ZFP64: variants seen among roughly 807,000 people sequenced by gnomAD.
The protein encoded by ZFP64 is zinc finger protein 64.
ZFP64 carries 14 observed loss-of-function variants against 51.6 expected under a neutral mutation model. The ratio of observed to expected loss-of-function variants is 0.27; its 90% confidence interval spans 0.18 to 0.42. The LOEUF (loss-of-function observed/expected upper bound fraction) is 0.42, where lower values mean the gene tolerates loss of function less well. Among genes scored for constraint, ZFP64 ranks in the 10% least tolerant of loss-of-function variants. The pLI, the probability that ZFP64 is intolerant of heterozygous loss-of-function variation, is 1.00. For missense variants in ZFP64, 754 were observed against 906.8 expected, an observed-to-expected ratio of 0.83 and a Z score of 2.16; for synonymous variants, 375 against 361.4, an observed-to-expected ratio of 1.04 and a Z score of -0.43.
intron 6 of ZFP64, among the ~76,000 whole-genome samples, chr20:52,098,268 T>C (rs1248215240): frequency 6.6e-6 from 1 of 151,908 alleles, no homozygotes; most frequent in African/African-American, 2.4e-5. Context: ...GAGCTCTGGA[T>C]GCTACAGGCC....
intron 5 of ZFP64, among the ~76,000 whole-genome samples, chr20:52,121,609 A>G (rs1470896288): frequency 6.6e-6 from 1 of 151,082 alleles, no homozygotes; most frequent in Non-Finnish European, 1.5e-5. Context: ...AAGGAAAGGC[A>G]CTGTCTTCAT....
intron 5 of ZFP64, chr20:52,104,864 C>T (rs1246097442): frequency 4.5e-6 from 3 of 664,174 alleles, no homozygotes; most frequent in Non-Finnish European, 8.3e-6. Flanking sequence ...AGCATCCTTC[C>T]AGCGTGTTTG....
intron 5 of ZFP64, among the ~76,000 whole-genome samples, chr20:52,128,497 G>A (rs1010159900): frequency 6.6e-6 from 1 of 152,188 alleles, no homozygotes; most frequent in African/African-American, 2.4e-5. Context: ...ATACAGCTGG[G>A]ATGAGAACAG....
chr20:52,099,609 G>A (rs2079029551), intron 5 of ZFP64, among the ~76,000 whole-genome samples: 1 of 152,220 alleles, frequency 6.6e-6, no homozygotes, highest in South Asian at 2.1e-4. Flanking sequence ...TTATACTTTG[G>A]TGTGAAAATG....
intron 5 of ZFP64, among the ~76,000 whole-genome samples, chr20:52,106,699 T>C (rs4809889): frequency 0.23 from 34,476 of 152,168 alleles, 4,132 homozygotes; most frequent in Non-Finnish European, 0.26. Context: ...GGTGAAGTCA[T>C]GTCAGGTTAA....
At chr20:52,110,340 C>CT in intron 5 of ZFP64, 1 of 507,512 alleles carries the variant, frequency 2.0e-6, no homozygotes, top group Admixed American at 2.9e-5. Flanking sequence ...CATAGAGAGC[C>CT]TTTTTACAAC....
At chr20:52,147,954 G>A (rs1392158720), downstream of ZFP64, among the ~76,000 whole-genome samples, 1 of 152,112 alleles carries the variant, frequency 6.6e-6, no homozygotes, top group Non-Finnish European at 1.5e-5. Context: ...CCAGGAGGTG[G>A]AGGCTGCAGT....
chr20:52,091,388 A>G (rs920745311), intron 7 of ZFP64, among the ~76,000 whole-genome samples: 7 of 152,142 alleles, frequency 4.6e-5, no homozygotes, highest in African/African-American at 1.7e-4. Context: ...AAGCCACTAA[A>G]TGCTCTGAAG....
chr20:52,159,369 T>C (rs112486467), intron 5 of ZFP64, among the ~76,000 whole-genome samples: 2 of 152,216 alleles, frequency 1.3e-5, no homozygotes, highest in Non-Finnish European at 2.9e-5. Context: ...TGCCTAACCA[T>C]AATGCAGAAT....
chr20:52,167,356 AAAT>A (rs899408127), intron 2 of ZFP64, among the ~76,000 whole-genome samples: 24 of 152,074 alleles, frequency 1.6e-4, no homozygotes, highest in African/African-American at 5.3e-4. Context: ...AAAAATAAGT[AAAT>A]AATAAATAAA....
chr20:52,139,684 A>T (rs964855045), intron 5 of ZFP64, among the ~76,000 whole-genome samples: 2 of 152,138 alleles, frequency 1.3e-5, no homozygotes, highest in Non-Finnish European at 2.9e-5. Flanking sequence ...AATAAAGAAA[A>T]TGGCATAATG....
intron 5 of ZFP64, among the ~76,000 whole-genome samples, chr20:52,113,687 C>G (rs1313140687): frequency 6.6e-6 from 1 of 151,446 alleles, no homozygotes; most frequent in African/African-American, 2.4e-5. Context: ...GATCCACCTG[C>G]CTCGGCCTCC....
chr20:52,106,880 TG>T (rs1270726840), intron 5 of ZFP64, among the ~76,000 whole-genome samples: 1 of 152,138 alleles, frequency 6.6e-6, no homozygotes, highest in Non-Finnish European at 1.5e-5. Context: ...GCGGATCACA[TG>T]AGGTTAGGAG....
At chr20:52,138,668 C>G (rs1007847950) in intron 5 of ZFP64, among the ~76,000 whole-genome samples, 2 of 151,622 alleles carry the variant, frequency 1.3e-5, no homozygotes, top group African/African-American at 2.4e-5. Context: ...AAAAAAGCAC[C>G]CTGGTAATAT....
intron 2 of ZFP64, among the ~76,000 whole-genome samples, chr20:52,184,181 C>T (rs1299241581): frequency 1.3e-5 from 2 of 152,160 alleles, no homozygotes; most frequent in Non-Finnish European, 1.5e-5. Flanking sequence ...CAGCTCCAGA[C>T]TATTGGGTAA....
At chr20:52,161,446 CTTTCTTTTTTTTT>C (rs1343795329) in intron 4 of ZFP64, among the ~76,000 whole-genome samples, 1 of 127,724 alleles carries the variant, frequency 7.8e-6, no homozygotes, top group Admixed American at 8.6e-5. Context: ...CTTGTGATTG[CTTTCTTTTTTTTT>C]TTTTTTTTTT....
At position 52,152,955 on chromosome 20, in the gene ZFP64, T is replaced by G. The variant is rs1301186514; in HGVS notation, c.1237A>C (p.Ser413Arg). 3.7e-6 allele frequency: 6 copies of G among 1,613,684 alleles called. No homozygotes were observed. In the East Asian group the frequency reaches 1.3e-4, roughly 36 times the overall value. The change falls in exon 6 of 6, where the codon AGC (serine) becomes CGC (arginine). Residue 413 changes from serine to arginine, a missense_variant. Physicochemically the swap from Ser to Arg is moderately radical, Grantham distance 110. Around this residue, in one of 3 missense-constraint regions of ZFP64, gnomAD observed 428 missense variants for 472.4 expected, o/e 0.91. Coordinates refer to ENST00000216923, the MANE Select transcript of ZFP64 (RefSeq NM_018197.3). ...LERKDTGRQS[S>R]RQVAKLDAKK... ...GCATCCAGCTTGGCCACCTGCCGGC[T>G]GCTCTGCCTGCCGGTGTCCTTCCTC...
downstream of ZFP64, among the ~76,000 whole-genome samples, chr20:52,149,475 G>C (rs574193725): frequency 6.6e-6 from 1 of 152,242 alleles, no homozygotes; most frequent in African/African-American, 2.4e-5. Context: ...AAAGCAAGTT[G>C]CAGAGAAATG....
chr20:52,088,454 T>C, exon 8 of ZFP64: 1 of 1,614,174 alleles, frequency 6.2e-7, no homozygotes, highest in Non-Finnish European at 8.5e-7. Flanking sequence ...GGGGCAGAGC[T>C]GGCATTTGTA....
Sources: gnomAD v4.1 joint callset for allele counts (sites outside exome capture counted in the v4.1 genomes callset) on GRCh38, gnomAD v4.1.1 for gene constraint, gnomAD v4.1.1 regional missense constraint, MANE v1.5 for transcripts, NCBI Gene and HGNC (gene_info 2026-07-23, HGNC 2026-07-21) for gene names.